LINGO2: variants seen among roughly 807,000 people sequenced by gnomAD.
The protein encoded by LINGO2 is leucine-rich repeat and immunoglobulin-like domain-containing nogo receptor-interacting protein 2.
A neutral mutation model predicts 30.6 loss-of-function variants in LINGO2; 14 were observed. That is an observed-to-expected ratio of 0.46 (90% CI 0.30 to 0.72). LINGO2 has a LOEUF of 0.72. Among genes scored for constraint, LINGO2 ranks in the 30% least tolerant of loss-of-function variants. The pLI is 0.07. For missense variants in LINGO2, 729 were observed against 751.7 expected (o/e 0.97, Z 0.35); for synonymous variants, 317 against 288.5 (o/e 1.10, Z -1.00).
chr9:28,494,417 T>C (rs768480857), intron 1 of LINGO2, among the ~76,000 whole-genome samples: 1 of 152,132 alleles, frequency 6.6e-6, no homozygotes, highest in African/African-American at 2.4e-5. Context: ...CCTTCCTGTG[T>C]CCAAGTGTTC....
intron 4 of LINGO2, among the ~76,000 whole-genome samples, chr9:28,156,618 C>G (rs537911707): frequency 6.6e-6 from 1 of 152,190 alleles, no homozygotes; most frequent in Non-Finnish European, 1.5e-5. Flanking sequence ...TCAGCATTAA[C>G]TCAAAAGTCC....
At chr9:29,080,466 T>C in the LINGO2 span, among the ~76,000 whole-genome samples, 1 of 152,276 alleles carries the variant, frequency 6.6e-6, no homozygotes. Flanking sequence ...TGATCTTAGT[T>C]ATTTCTTGCC....
chr9:28,092,483 G>A (rs1440997305), intron 4 of LINGO2, among the ~76,000 whole-genome samples: 1 of 148,498 alleles, frequency 6.7e-6, no homozygotes, highest in Non-Finnish European at 1.5e-5. Context: ...ACTCATAGGT[G>A]GGAACTGAAC....
At position 28,614,151 on chromosome 9, in the gene LINGO2, A is replaced by C. The variant is rs117773463; in HGVS notation, c.-365+56049T>G. On this transcript the variant is annotated intron_variant, in intron 1 of 5. Coordinates refer to ENST00000379992, the Ensembl canonical transcript of LINGO2. Reference sequence around the variant, plus strand: ...AAACTGCATGATATCTTAAGTCTGTATGTCTTTGGTAGTTACTATATTCTT... The same window carrying C: ...AAACTGCATGATATCTTAAGTCTGTCTGTCTTTGGTAGTTACTATATTCTT... 5.7e-3 allele frequency among the ~76,000 whole-genome samples: 871 copies of C among 152,260 alleles called. 9 individuals are homozygous for C. The highest frequency in any genetic ancestry group is 8.9e-3 in the Admixed American group (136 of 15,282).
chr9:29,172,409 T>C, the LINGO2 span, among the ~76,000 whole-genome samples: 4 of 151,900 alleles, frequency 2.6e-5, no homozygotes, highest in Non-Finnish European at 4.4e-5. Flanking sequence ...AAAACTCGTT[T>C]AAATTAATGT....
chr9:28,990,652 G>C, the LINGO2 span, among the ~76,000 whole-genome samples: 7 of 152,084 alleles, frequency 4.6e-5, no homozygotes, highest in Non-Finnish European at 8.8e-5. Context: ...ACTCCTCTGA[G>C]ACAAAACTTC....
intron 4 of LINGO2, among the ~76,000 whole-genome samples, chr9:28,281,212 G>A (rs1214847231): frequency 6.6e-6 from 1 of 151,970 alleles, no homozygotes; most frequent in Non-Finnish European, 1.5e-5. Context: ...TCTGCTAGCA[G>A]GAAGATAACT....
At chr9:29,210,441 T>G in the LINGO2 span, among the ~76,000 whole-genome samples, 2 of 152,218 alleles carry the variant, frequency 1.3e-5, no homozygotes, top group East Asian at 3.9e-4. Flanking sequence ...TTAGTGTATA[T>G]ATAAGTTGTA....
intron 5 of LINGO2, among the ~76,000 whole-genome samples, chr9:27,990,464 C>CG (rs1554650632): frequency 4.9e-5 from 5 of 102,300 alleles, no homozygotes; most frequent in East Asian, 4.5e-4. Flanking sequence ...GTCTCAATAC[C>CG]CCCCCCCCTT....
At chr9:27,938,149 A>C in the LINGO2 span, 4 of 151,406 alleles carry the variant, frequency 2.6e-5, no homozygotes, top group Non-Finnish European at 5.9e-5. Context: ...TTAATTTAAT[A>C]ATTTTTCCAA....
At chr9:28,441,668 C>T (rs1439707487) in intron 2 of LINGO2, among the ~76,000 whole-genome samples, 2 of 152,072 alleles carry the variant, frequency 1.3e-5, no homozygotes, top group African/African-American at 4.8e-5. Flanking sequence ...TTACATCATG[C>T]ATTTATAGTT....
chr9:28,484,581 C>A (rs1826097677), intron 1 of LINGO2, among the ~76,000 whole-genome samples: 1 of 152,046 alleles, frequency 6.6e-6, no homozygotes, highest in African/African-American at 2.4e-5. Context: ...ATTCTGGTCA[C>A]CCTCTTTTGG....
At chr9:28,535,256 A>T (rs990948363) in intron 1 of LINGO2, among the ~76,000 whole-genome samples, 1 of 152,174 alleles carries the variant, frequency 6.6e-6, no homozygotes, top group Admixed American at 6.5e-5. Flanking sequence ...GAATGCTAAG[A>T]GGTCAATGGA....
At chr9:29,084,663 A>G in the LINGO2 span, among the ~76,000 whole-genome samples, 6 of 152,040 alleles carry the variant, frequency 3.9e-5, no homozygotes, top group South Asian at 1.2e-3. Context: ...CTAAGCATCC[A>G]TCTCTCTTAG....
At chr9:28,050,801 A>G (rs570859321) in intron 4 of LINGO2, among the ~76,000 whole-genome samples, 1 of 151,106 alleles carries the variant, frequency 6.6e-6, no homozygotes, top group East Asian at 2.0e-4. Flanking sequence ...ACATGTTGAT[A>G]TAATGCATTC....
chr9:28,972,133 T>C, the LINGO2 span, among the ~76,000 whole-genome samples: 355 of 152,332 alleles, frequency 2.3e-3, 2 homozygotes, highest in African/African-American at 7.9e-3. Flanking sequence ...GACCACAACA[T>C]GCAAGTCCTT....
At chr9:28,805,487 C>T in the LINGO2 span, among the ~76,000 whole-genome samples, 1 of 152,138 alleles carries the variant, frequency 6.6e-6, no homozygotes, top group Non-Finnish European at 1.5e-5. Flanking sequence ...CAGAGTTTAG[C>T]CCCTAAGATT....
intron 1 of LINGO2, among the ~76,000 whole-genome samples, chr9:28,534,417 G>T (rs747669380): frequency 6.6e-6 from 1 of 152,016 alleles, no homozygotes; most frequent in African/African-American, 2.4e-5. Flanking sequence ...AACACATTGG[G>T]GTCATTCCCA....
the LINGO2 span, among the ~76,000 whole-genome samples, chr9:29,154,136 G>C: frequency 6.6e-6 from 1 of 152,004 alleles, no homozygotes; most frequent in African/African-American, 2.4e-5. Flanking sequence ...TCACCTTTAA[G>C]AAACTGCTCT....
Sources: gnomAD v4.1 joint callset for allele counts (sites outside exome capture counted in the v4.1 genomes callset) on GRCh38, gnomAD v4.1.1 for gene constraint, MANE v1.5 for transcripts, NCBI Gene and HGNC (gene_info 2026-07-23, HGNC 2026-07-21) for gene names.